The following H3-3B variants were observed in gnomAD, a reference collection of about 807,000 sequenced individuals.
H3-3B encodes the protein H3.3 histone B.
Under a neutral mutation model 13.1 loss-of-function variants are expected in H3-3B, and 2 were observed. The ratio of observed to expected loss-of-function variants is 0.15; its 90% CI spans 0.06 to 0.48. H3-3B has a LOEUF of 0.48. Ranked by LOEUF, H3-3B falls within the 20% of genes least tolerant of loss-of-function variation. H3-3B has a pLI of 0.97. For synonymous variants in H3-3B, 133 were observed against 75.8 expected (o/e 1.76, Z -3.92); for missense variants, 39 against 186.0 (o/e 0.21, Z 4.60).
At position 75,778,379 on chromosome 17, in the gene H3-3B, C is replaced by T; in HGVS notation, c.*216G>A. 1 of 591,300 alleles carries T rather than the reference C, an allele frequency of 1.7e-6. No individual in the cohort carries two copies. Among genetic ancestry groups the T allele is most frequent in the Non-Finnish European group, 2.9e-6 (1 of 341,698 alleles). The allele number at this position is 591,300 out of a possible 1,614,324, so 36.6% of individuals were successfully genotyped here. A position where few individuals can be genotyped will look rare whatever the true frequency, so the allele number is the denominator to read the frequency against. Reference sequence around the variant, plus strand: ...ATGAGAAGCAAGAAGTATCACCCATCCCTTCTGCATATTAGCAACTTGTCA... The same window carrying T: ...ATGAGAAGCAAGAAGTATCACCCATTCCTTCTGCATATTAGCAACTTGTCA... On this transcript the variant is annotated 3_prime_UTR_variant, in exon 4 of 4. Coordinates refer to ENST00000254810, the MANE Select transcript of H3-3B (RefSeq NM_005324.5).
chr17:75,779,299 C>CCA (rs1226551572), intron 1 of H3-3B, 115 bp from the exon 2 acceptor site: 1 of 1,184,592 alleles, frequency 8.4e-7, no homozygotes, highest in East Asian at 3.2e-5. Context: ...TCCCCGCGCC[C>CCA]CACCTCGCGG....
Position 75,778,633 on chromosome 17 carries a change from T to C in H3-3B, c.373A>G (p.Ile125Val). The C allele has an allele frequency of 6.2e-7, 1 of 1,614,168 alleles. No individual in the cohort carries two copies. The highest frequency in any genetic ancestry group is 8.5e-7 in the Non-Finnish European group (1 of 1,180,026). Reference sequence around the variant, plus strand: ...CCCCGTATCCGGCGAGCCAACTGGATGTCTTTGGGCATGATGGTGACTCTC... The same window carrying C: ...CCCCGTATCCGGCGAGCCAACTGGACGTCTTTGGGCATGATGGTGACTCTC... ...AKRVTIMPKD[I>V]QLARRIRGER... Residue 125 changes from isoleucine (I) to valine (V), a missense_variant, in exon 4 of 4, where the codon ATC (isoleucine) becomes GTC (valine). Ile to Val is a conservative substitution (Grantham distance 29). Coordinates refer to ENST00000254810, the MANE Select transcript of H3-3B (RefSeq NM_005324.5).
rs1194085512 is a variant in H3-3B at position 75,778,535 on chromosome 17, CAAATT to C, written c.*55_*59del. On this transcript the variant is annotated 3_prime_UTR_variant, in exon 4 of 4. Transcript: ENST00000254810. ...AAACAATTTCTTACAAAAAAAGTCA[CAAATT>C]AAACCAAAGTATTTTACAGAATTTA... 3.3e-5 allele frequency: 51 copies of C among 1,559,652 alleles called. No homozygotes were observed. Among genetic ancestry groups the C allele is most frequent in the Admixed American group, 6.0e-5 (3 of 49,662 alleles).
rs994348179 is a variant in H3-3B, at chr17:75,778,442, AAC to A, written c.*151_*152del. 57 of 1,081,164 alleles carry A rather than the reference AAC, an allele frequency of 5.3e-5. No individual in the cohort carries two copies. Among genetic ancestry groups the A allele is most frequent in the African/African-American group, 3.3e-4 (21 of 62,720 alleles). 67.0% of individuals were successfully genotyped at this position (1,081,164 alleles called of 1,614,324 possible). A position where few individuals can be genotyped will look rare whatever the true frequency, so the allele number is the denominator to read the frequency against. On this transcript the variant is annotated 3_prime_UTR_variant, in exon 4 of 4. Coordinates refer to ENST00000254810, the MANE Select transcript of H3-3B (RefSeq NM_005324.5). ...AGTGCTCACATCACTGAGGTCTGTG[AAC>A]AGTCACTTTTCGCATTCATCCTGAG...
rs1363636987 is a variant in H3-3B, at chr17:75,777,820, G to A, written c.*775C>T. The A allele has an allele frequency of 3.9e-5, 6 of 152,554 alleles. No homozygotes were observed. The highest frequency in any genetic ancestry group is 8.8e-5 in the Non-Finnish European group (6 of 68,042). The allele number at this position is 152,554 out of a possible 1,614,324, so 9.5% of individuals were successfully genotyped here. On this transcript the variant is annotated 3_prime_UTR_variant, in exon 4 of 4. Transcript: ENST00000254810. The stretch of plus-strand genomic sequence containing the variant: ...AAGATGATGCTGGTGTGAATAACTC[G>A]TTTTTTCTAGAGCCCTTATAAATAA...
rs1300263287 is a variant in H3-3B at position 75,776,734 on chromosome 17, A to C, written c.*1861T>G. On this transcript the variant is annotated 3_prime_UTR_variant, in exon 4 of 4. Transcript: ENST00000254810. ...TAGTGTCACCCACTTGGGTTGTCAC[A>C]GGTAGTAAGCAGAAGCTAACTCATC... is the stretch of plus-strand genomic sequence containing the variant. 6.6e-6 allele frequency: 1 copy of C among 152,270 alleles called. No homozygotes were observed. The highest frequency in any genetic ancestry group is 1.5e-5 in the Non-Finnish European group (1 of 68,052). The allele number at this position is 152,270 out of a possible 1,614,324, so 9.4% of individuals were successfully genotyped here.
At position 75,778,705 on chromosome 17, in the gene H3-3B, G is replaced by A. The variant is rs778437982; in HGVS notation, c.301C>T (p.Leu101=). ...TTGGTATCTTCGAACAGACCCACCA[G>A]GTACGCTTCGCTAGCCTCCTGTTGA... ...GALQEASEAY[L]VGLFEDTNLC... is the part of the protein sequence containing the mutation. The change falls in exon 4 of 4, where the codon CTG becomes TTG. Residue 101 remains leucine, a synonymous_variant. Transcript: ENST00000254810. 25 of 1,614,072 alleles carry A rather than the reference G, an allele frequency of 1.5e-5. No homozygotes were observed. The highest frequency in any genetic ancestry group is 1.1e-4 in the African/African-American group (8 of 74,930).
In H3-3B at chr17:75,778,574, C is replaced by A; in HGVS notation, c.*21G>T. 1 of 1,600,548 alleles carries A rather than the reference C, an allele frequency of 6.2e-7. No individual in the cohort carries two copies. The highest frequency in any genetic ancestry group is 1.3e-5 in the African/African-American group (1 of 74,450). On this transcript the variant is annotated 3_prime_UTR_variant, in exon 4 of 4. Transcript: ENST00000254810. ...GTATTTTACAGAATTTACTACAAAACGCCATAAAAACTGCCTTCACTTAAG... is the reference window on the plus strand; with the variant it reads ...GTATTTTACAGAATTTACTACAAAAAGCCATAAAAACTGCCTTCACTTAAG...
rs1465078043 is a variant in H3-3B at position 75,776,710 on chromosome 17, AGT to A, written c.*1883_*1884del. Reference sequence around the variant, plus strand: ...GCCTGCAGACTGGAGAAGGTTCACTAGTGTCACCCACTTGGGTTGTCACAGGT... The same window carrying A: ...GCCTGCAGACTGGAGAAGGTTCACTAGTCACCCACTTGGGTTGTCACAGGT... On this transcript the variant is annotated 3_prime_UTR_variant, in exon 4 of 4. Coordinates refer to ENST00000254810, the MANE Select transcript of H3-3B (RefSeq NM_005324.5). The A allele has an allele frequency of 6.6e-6, 1 of 152,248 alleles. No individual in the cohort carries two copies. The highest frequency in any genetic ancestry group is 1.9e-4 in the East Asian group (1 of 5,198). The allele number at this position is 152,248 out of a possible 1,614,324, so 9.4% of individuals were successfully genotyped here.
rs1293430118 is a variant in H3-3B, at chr17:75,778,734, CGA to C, written c.283-13_283-12del. The C allele has an allele frequency of 4.3e-6, 7 of 1,614,134 alleles. No homozygotes were observed. The highest frequency in any genetic ancestry group is 1.3e-5 in the African/African-American group (1 of 75,042). ...CGCTTCGCTAGCCTCCTGTTGAGGACGAGAGCCGCACTATTAATCCCACTCGG... is the reference window on the plus strand; with the variant it reads ...CGCTTCGCTAGCCTCCTGTTGAGGACGAGCCGCACTATTAATCCCACTCGG... On this transcript the variant is annotated splice_polypyrimidine_tract_variant and intron_variant, in intron 3 of 3. Coordinates refer to ENST00000254810, the MANE Select transcript of H3-3B (RefSeq NM_005324.5).
intron 3 of H3-3B, 34 bp from the exon 4 acceptor site, chr17:75,778,757 C>G (rs1418625441): frequency 2.5e-6 from 4 of 1,614,178 alleles, no homozygotes; most frequent in South Asian, 2.2e-5. Context: ...ATTAATCCCA[C>G]TCGGGGAGCG....
rs1303930253 is a variant in H3-3B, at chr17:75,777,311, C to T, written c.*1284G>A. The T allele has an allele frequency of 1.3e-5, 2 of 152,394 alleles. No individual in the cohort carries two copies. The highest frequency in any genetic ancestry group is 4.8e-5 in the African/African-American group (2 of 41,424). 9.4% of individuals were successfully genotyped at this position (152,394 alleles called of 1,614,324 possible). A position where few individuals can be genotyped will look rare whatever the true frequency, so the allele number is the denominator to read the frequency against. On this transcript the variant is annotated 3_prime_UTR_variant, in exon 4 of 4. Transcript: ENST00000254810. ...AATCAAGCAGAGAGCTGTTCACATGCTTTCTACAGTATCTTTATAAATAAA... is the reference window on the plus strand; with the variant it reads ...AATCAAGCAGAGAGCTGTTCACATGTTTTCTACAGTATCTTTATAAATAAA...
At position 75,779,713 on chromosome 17, in the gene H3-3B, G is replaced by A. The variant is rs2061657179; in HGVS notation, c.-67C>T. 6.4e-6 allele frequency: 1 copy of A among 156,352 alleles called. No individual in the cohort carries two copies. The highest frequency in any genetic ancestry group is 6.5e-5 in the Admixed American group (1 of 15,288). The allele number at this position is 156,352 out of a possible 1,614,324, so 9.7% of individuals were successfully genotyped here. On this transcript the variant is annotated 5_prime_UTR_variant, in exon 1 of 4. Coordinates refer to ENST00000254810, the MANE Select transcript of H3-3B (RefSeq NM_005324.5). The stretch of plus-strand genomic sequence containing the variant: ...CCGCCGCGCCGCTTCCGCTGCCCGA[G>A]GAAGAGCCGCAGTCGACGAGCGAAA...
intron 1 of H3-3B, 59 bp downstream of exon 1, chr17:75,779,598 G>C (rs942388654): frequency 1.3e-5 from 2 of 155,486 alleles, no homozygotes; most frequent in Admixed American, 1.3e-4. Context: ...AACGGCCGCG[G>C]CGCGCGGCGC....
intron 3 of H3-3B, 40 bp from the exon 4 acceptor site, chr17:75,778,763 G>A (rs760589830): frequency 1.2e-6 from 2 of 1,614,098 alleles, no homozygotes; most frequent in East Asian, 4.5e-5. Context: ...CCCACTCGGG[G>A]AGCGGAAACC....
rs1266204596 is a variant in H3-3B, at chr17:75,777,788, G to C, written c.*807C>G. The stretch of plus-strand genomic sequence containing the variant: ...AAAGCTGCACTAACTAGTTCAGAAT[G>C]TTAGTTAAGATGATGCTGGTGTGAA... On this transcript the variant is annotated 3_prime_UTR_variant, in exon 4 of 4. Coordinates refer to ENST00000254810, the MANE Select transcript of H3-3B (RefSeq NM_005324.5). 6.6e-6 allele frequency: 1 copy of C among 152,576 alleles called. No individual in the cohort carries two copies. Among genetic ancestry groups the C allele is most frequent in the Non-Finnish European group, 1.5e-5 (1 of 68,046 alleles). 9.5% of individuals were successfully genotyped at this position (152,576 alleles called of 1,614,324 possible). A position where few individuals can be genotyped will look rare whatever the true frequency, so the allele number is the denominator to read the frequency against.
rs781352768 is a variant in H3-3B, at chr17:75,778,936, A to T, written c.156T>A (p.Ile52=). Residue 52 remains isoleucine, a synonymous_variant, in exon 3 of 4, where the codon ATT becomes ATA. Transcript: ENST00000254810. ...GCTCGGTCGACTTCTGATAACGACG[A>T]ATCTCTCGAAGCGCCACGGTCCCGG... ...YRPGTVALRE[I]RRYQKSTELL... The T allele has an allele frequency of 1.9e-6, 3 of 1,614,098 alleles. No individual in the cohort carries two copies. The highest frequency in any genetic ancestry group is 2.5e-6 in the Non-Finnish European group (3 of 1,180,028).
At chr17:75,778,746 T>C (rs750105494) in intron 3 of H3-3B, 23 bp from the exon 4 acceptor site, 1 of 1,614,168 alleles carries the variant, frequency 6.2e-7, no homozygotes, top group Non-Finnish European at 8.5e-7. Context: ...AGAGCCGCAC[T>C]ATTAATCCCA....
rs749775664 is a variant in H3-3B, at chr17:75,779,070, C to A, written c.105G>T (p.Gly35=). ...ACCTGTAGCGATGAGGCTTCTTCAC[C>A]CCGCCGGTAGAGGGAGCGCTTTTCC... ...AARKSAPSTG[G]VKKPHRYRPG... The change falls in exon 2 of 4, where the codon GGG becomes GGT. Residue 35 remains glycine, a synonymous_variant. Transcript: ENST00000254810. 6.2e-7 allele frequency: 1 copy of A among 1,606,630 alleles called. No individual in the cohort carries two copies. Among genetic ancestry groups the A allele is most frequent in the Non-Finnish European group, 8.5e-7 (1 of 1,176,862 alleles).
Sources: gnomAD v4.1 joint callset for allele counts on GRCh38, gnomAD v4.1.1 for gene constraint, MANE v1.5 for transcripts, NCBI Gene and HGNC (gene_info 2026-07-23, HGNC 2026-07-21) for gene names.